The following RGS22 variants were observed in gnomAD, a reference collection of about 807,000 sequenced individuals.
RGS22 encodes the protein regulator of G-protein signaling 22.
Under a neutral mutation model 172.9 loss-of-function variants are expected in RGS22, and 148 were observed. The ratio of observed to expected loss-of-function variants is 0.86; its 90% CI spans 0.75 to 0.98. The LOEUF is 0.98. RGS22 is among the 50% of genes least tolerant of loss of function. RGS22 has a pLI of 0.00. For synonymous variants in RGS22, 458 were observed against 480.2 expected (o/e 0.95, Z 0.60); for missense variants, 1,347 against 1,440.8 (o/e 0.93, Z 1.05).
Position 100,106,002 on chromosome 8 carries a change from A to AGCGACGCG in RGS22, c.-89_-82dup. On this transcript the variant is annotated 5_prime_UTR_variant, in exon 1 of 28. Coordinates refer to ENST00000360863, the MANE Select transcript of RGS22 (RefSeq NM_015668.5). ...CGGGTCCAGCGCGGGTCAGGGCCTG[A>AGCGACGCG]GCGACGCGGCGACGGCGCGCGGGCT... 8.2e-7 allele frequency: 1 copy of AGCGACGCG among 1,212,346 alleles called. No individual in the cohort carries two copies. Among genetic ancestry groups the AGCGACGCG allele is most frequent in the African/African-American group, 1.6e-5 (1 of 62,958 alleles). The allele number at this position is 1,212,346 out of a possible 1,614,324, so 75.1% of individuals were successfully genotyped here.
intron 9 of RGS22, among the ~76,000 whole-genome samples, chr8:100,060,441 C>T (rs1447699467): frequency 4.8e-5 from 5 of 104,432 alleles, no homozygotes; most frequent in African/African-American, 1.2e-4. Context: ...CACACACACA[C>T]GCACCCCAAC....
At chr8:99,999,110 G>T in intron 19 of RGS22, 152 bp downstream of exon 19, 1 of 655,752 alleles carries the variant, frequency 1.5e-6, no homozygotes, top group Non-Finnish European at 2.5e-6. Context: ...AGTGAGCTAG[G>T]ATCACACCAC....
At chr8:99,979,177 G>T (rs907068237) in intron 22 of RGS22, among the ~76,000 whole-genome samples, 1 of 152,048 alleles carries the variant, frequency 6.6e-6, no homozygotes, top group Non-Finnish European at 1.5e-5. Flanking sequence ...AATGTTAAGG[G>T]ATCATGGCAG....
intron 20 of RGS22, among the ~76,000 whole-genome samples, chr8:99,989,345 G>T (rs1203691123): frequency 6.6e-6 from 1 of 152,108 alleles, no homozygotes; most frequent in African/African-American, 2.4e-5. Context: ...TTTCTAGCCA[G>T]GTATTATATT....
At chr8:100,100,106 C>T (rs1420475075) in intron 2 of RGS22, among the ~76,000 whole-genome samples, 1 of 152,110 alleles carries the variant, frequency 6.6e-6, no homozygotes, top group Non-Finnish European at 1.5e-5. Flanking sequence ...CAGGACCCCC[C>T]ACAGACACTG....
At chr8:100,090,963 T>C (rs1812530645) in intron 3 of RGS22, among the ~76,000 whole-genome samples, 1 of 152,142 alleles carries the variant, frequency 6.6e-6, no homozygotes. Flanking sequence ...TATAATACTT[T>C]ATTGAAATCA....
intron 4 of RGS22, among the ~76,000 whole-genome samples, chr8:100,078,764 C>A (rs1335026772): frequency 1.3e-5 from 2 of 152,068 alleles, no homozygotes; most frequent in Non-Finnish European, 2.9e-5. Flanking sequence ...GTAGCTGGGA[C>A]TACAAGTGTA....
intron 14 of RGS22, among the ~76,000 whole-genome samples, chr8:100,034,630 G>A (rs1222818607): frequency 1.3e-5 from 2 of 152,112 alleles, no homozygotes; most frequent in African/African-American, 4.8e-5. Context: ...AAGTGCATAT[G>A]GAACCAAAAA....
chr8:99,964,497 AAAG>A (rs1190621917), intron 24 of RGS22, among the ~76,000 whole-genome samples: 1 of 151,486 alleles, frequency 6.6e-6, no homozygotes. Context: ...AAAAAAAAAA[AAAG>A]CAGCAGCCTG....
chr8:100,019,623 G>A (rs186487267), intron 14 of RGS22, among the ~76,000 whole-genome samples: 40 of 152,262 alleles, frequency 2.6e-4, no homozygotes, highest in Non-Finnish European at 1.2e-4. Flanking sequence ...TAAAATTGAT[G>A]ACATTTTAAA....
intron 20 of RGS22, among the ~76,000 whole-genome samples, chr8:99,993,873 AC>A (rs1201530386): frequency 6.6e-6 from 1 of 152,184 alleles, no homozygotes; most frequent in Non-Finnish European, 1.5e-5. Context: ...TCAACAAAAT[AC>A]TGGCAAATCA....
intron 4 of RGS22, among the ~76,000 whole-genome samples, chr8:100,077,953 C>A (rs1289084151): frequency 6.6e-6 from 1 of 152,152 alleles, no homozygotes; most frequent in Non-Finnish European, 1.5e-5. Flanking sequence ...GACCCTCCCC[C>A]CTTTATCATT....
chr8:100,044,632 T>C (rs2131624303), intron 11 of RGS22, among the ~76,000 whole-genome samples: 1 of 151,928 alleles, frequency 6.6e-6, no homozygotes, highest in African/African-American at 2.4e-5. Flanking sequence ...CTTTCTTTTT[T>C]TTTTTTTTTT....
rs572908842 is a variant in RGS22 at position 99,964,128 on chromosome 8, A to T, written c.3616-1150T>A. Among the ~76,000 whole-genome samples the T allele has an allele frequency of 4.6e-5, 7 of 152,224 alleles. No individual in the cohort carries two copies. The South Asian group carries it at 1.5e-3, about 32-fold the overall frequency. Reference sequence around the variant, plus strand: ...GAGGCTCAAAGGAAATTATGTGATTATATCCAGGTTTCAAGATAATACTGA... The same window carrying T: ...GAGGCTCAAAGGAAATTATGTGATTTTATCCAGGTTTCAAGATAATACTGA... On this transcript the variant is annotated intron_variant, in intron 24 of 27. Coordinates refer to ENST00000360863, the MANE Select transcript of RGS22 (RefSeq NM_015668.5).
At chr8:100,087,407 C>T (rs1812243038) in intron 3 of RGS22, among the ~76,000 whole-genome samples, 1 of 152,130 alleles carries the variant, frequency 6.6e-6, no homozygotes, top group Non-Finnish European at 1.5e-5. Context: ...CTTTGTAGTA[C>T]TAGTCATCCA....
At chr8:100,087,316 T>A (rs1478566582) in intron 3 of RGS22, among the ~76,000 whole-genome samples, 4 of 152,202 alleles carry the variant, frequency 2.6e-5, no homozygotes, top group Non-Finnish European at 5.9e-5. Flanking sequence ...ACTGCTCTTT[T>A]CCTTACTTAA....
Position 100,072,234 on chromosome 8 carries a change from T to G in RGS22, c.340-4A>C. 6.4e-7 allele frequency: 1 copy of G among 1,555,020 alleles called. No individual in the cohort carries two copies. Among genetic ancestry groups the G allele is most frequent in the Non-Finnish European group, 8.7e-7 (1 of 1,147,916 alleles). On this transcript the variant is annotated splice_polypyrimidine_tract_variant and splice_region_variant and intron_variant, in intron 4 of 27. Transcript: ENST00000360863. ...TACCTTCTTCACGACTGAGACACTA[T>G]GAGAAGAAAGAGAAAAAGAAAAAGA...
At chr8:100,021,254 C>T (rs983403308) in intron 14 of RGS22, among the ~76,000 whole-genome samples, 1 of 152,008 alleles carries the variant, frequency 6.6e-6, no homozygotes, top group Non-Finnish European at 1.5e-5. Flanking sequence ...TAACAGACAT[C>T]CATTTAAAAA....
chr8:100,031,840 A>G (rs1242929700), intron 14 of RGS22, among the ~76,000 whole-genome samples: 2 of 152,224 alleles, frequency 1.3e-5, no homozygotes, highest in African/African-American at 4.8e-5. Context: ...GCTATAAGCC[A>G]GAAGACAGTG....
Sources: allele counts gnomAD v4.1 joint callset (sites outside exome capture counted in the v4.1 genomes callset), GRCh38; gene constraint gnomAD v4.1.1; transcripts MANE v1.5; gene names NCBI Gene and HGNC (gene_info 2026-07-23, HGNC 2026-07-21).